Variants in HCRTR2 observed in about 807,000 individuals in gnomAD.
The protein encoded by HCRTR2 is orexin receptor type 2.
HCRTR2 carries 22 observed loss-of-function variants against 49.0 expected under a neutral mutation model. The observed-to-expected ratio is 0.45, with a 90% CI of 0.32 to 0.64. HCRTR2 has a LOEUF of 0.64. Among genes scored for constraint, HCRTR2 ranks in the 30% least tolerant of loss-of-function variants. HCRTR2 has a pLI of 0.04. For missense variants in HCRTR2, 491 were observed against 559.4 expected, an observed-to-expected ratio of 0.88 and a Z score of 1.23; for synonymous variants, 236 against 205.3, an observed-to-expected ratio of 1.15 and a Z score of -1.28.
At chr6:55,112,671 GT>G (rs772756661) in intron 1 of HCRTR2, among the ~76,000 whole-genome samples, 26 of 151,688 alleles carry the variant, frequency 1.7e-4, no homozygotes, top group African/African-American at 2.4e-4. Context: ...AACATCCCAT[GT>G]TCATGGATAT....
intron 1 of HCRTR2, among the ~76,000 whole-genome samples, chr6:55,164,348 A>T (rs1764846959): frequency 6.6e-6 from 1 of 152,218 alleles, no homozygotes; most frequent in South Asian, 2.1e-4. Context: ...GGCACTATTA[A>T]CAATAGCAAA....
In HCRTR2 at chr6:55,232,370, C is replaced by A. The variant is rs142939669; in HGVS notation, c.224-16269C>A. 4.3e-3 allele frequency among the ~76,000 whole-genome samples: 653 copies of A among 152,220 alleles called. 4 individuals carry two copies. Among genetic ancestry groups the A allele is most frequent in the African/African-American group, 0.015 (631 of 41,542 alleles). ...TTTGAAACAGCTGCAGCTGTTTATG[C>A]CATTGCTCTTGTTGTCCAATAGAGC... is the stretch of plus-strand genomic sequence containing the variant. On this transcript the variant is annotated intron_variant, in intron 1 of 6. Coordinates refer to ENST00000370862, the MANE Select transcript of HCRTR2 (RefSeq NM_001384272.1).
chr6:55,152,857 G>A (rs1764681313), intron 1 of HCRTR2, among the ~76,000 whole-genome samples: 1 of 151,898 alleles, frequency 6.6e-6, no homozygotes. Context: ...ACATTACATA[G>A]GTTGACTTTT....
chr6:55,187,826 G>A (rs1765249177), intron 1 of HCRTR2, among the ~76,000 whole-genome samples: 6 of 151,886 alleles, frequency 4.0e-5, no homozygotes. Flanking sequence ...TCCCAGACTG[G>A]AGTGCAGTGG....
chr6:55,192,236 G>A (rs1015702679), intron 1 of HCRTR2, among the ~76,000 whole-genome samples: 9 of 151,978 alleles, frequency 5.9e-5, no homozygotes, highest in Admixed American at 3.3e-4. Context: ...AAAAAAATTA[G>A]GATCTGCCTT....
chr6:55,175,375 G>A (rs1765021257), intron 1 of HCRTR2, among the ~76,000 whole-genome samples: 1 of 152,124 alleles, frequency 6.6e-6, no homozygotes, highest in Non-Finnish European at 1.5e-5. Flanking sequence ...AGGCAAAGCA[G>A]GGAAGTGCAC....
At chr6:55,262,751 T>G (rs1321557959) in intron 3 of HCRTR2, among the ~76,000 whole-genome samples, 4 of 98,404 alleles carry the variant, frequency 4.1e-5, no homozygotes, top group Non-Finnish European at 7.7e-5. Context: ...TATATATATA[T>G]GTATTAGGTA....
At chr6:55,140,792 A>G (rs954040582) in intron 1 of HCRTR2, among the ~76,000 whole-genome samples, 3 of 152,136 alleles carry the variant, frequency 2.0e-5, no homozygotes, top group Non-Finnish European at 2.9e-5. Context: ...TTTTCTACTG[A>G]TTCATAGTTG....
At chr6:55,261,357 A>G (rs1766752195) in intron 3 of HCRTR2, among the ~76,000 whole-genome samples, 1 of 152,186 alleles carries the variant, frequency 6.6e-6, no homozygotes, top group Non-Finnish European at 1.5e-5. Flanking sequence ...ATCACTAAGA[A>G]TCAGGGAAAT....
At chr6:55,133,384 C>A (rs79999126) in intron 1 of HCRTR2, among the ~76,000 whole-genome samples, 9,610 of 136,496 alleles carry the variant, frequency 0.07, 576 homozygotes, top group African/African-American at 0.18. Flanking sequence ...TACACACACA[C>A]AAAAAAACAC....
intron 1 of HCRTR2, among the ~76,000 whole-genome samples, chr6:55,125,901 C>A (rs575967151): frequency 6.6e-6 from 1 of 151,924 alleles, no homozygotes; most frequent in Admixed American, 6.6e-5. Flanking sequence ...TCCACTTGAT[C>A]GATTCAGCGA....
chr6:55,256,531 A>G (rs571991210), intron 3 of HCRTR2, among the ~76,000 whole-genome samples: 46 of 152,174 alleles, frequency 3.0e-4, no homozygotes, highest in Non-Finnish European at 5.4e-4. Context: ...TGCAAGACCT[A>G]TAATAACTAA....
chr6:55,162,272 C>T (rs533704762), intron 1 of HCRTR2, among the ~76,000 whole-genome samples: 18 of 152,032 alleles, frequency 1.2e-4, no homozygotes, highest in Non-Finnish European at 8.8e-5. Flanking sequence ...AAAAGGCCTT[C>T]AACAAAATTT....
At chr6:55,119,819 G>T (rs1291051266) in intron 1 of HCRTR2, among the ~76,000 whole-genome samples, 1 of 151,828 alleles carries the variant, frequency 6.6e-6, no homozygotes, top group African/African-American at 2.4e-5. Flanking sequence ...CATTGCTTTT[G>T]GTGTTGTAGA....
At chr6:55,147,665 C>A (rs1013148555) in intron 1 of HCRTR2, among the ~76,000 whole-genome samples, 1 of 152,162 alleles carries the variant, frequency 6.6e-6, no homozygotes, top group Admixed American at 6.5e-5. Context: ...TTTTGATGAT[C>A]TGTCGGGTGG....
At chr6:55,272,128 A>C (rs564642592) in intron 4 of HCRTR2, among the ~76,000 whole-genome samples, 3 of 152,258 alleles carry the variant, frequency 2.0e-5, no homozygotes, top group Admixed American at 2.0e-4. Flanking sequence ...TCAATGAGTA[A>C]ATGGAATAAC....
chr6:55,144,099 C>CTTTTTTTTTTTTTT (rs530138605), intron 1 of HCRTR2, among the ~76,000 whole-genome samples: 3 of 85,360 alleles, frequency 3.5e-5, no homozygotes, highest in African/African-American at 6.1e-5. Context: ...CCCGTCCTGC[C>CTTTTTTTTTTTTTT]TTTTTTTTTT....
intron 1 of HCRTR2, among the ~76,000 whole-genome samples, chr6:55,239,559 T>A (rs142969567): frequency 6.6e-6 from 1 of 152,316 alleles, no homozygotes; most frequent in African/African-American, 2.4e-5. Flanking sequence ...TTAATTGTGA[T>A]ATATTAATTA....
chr6:55,126,663 G>C (rs1034772137), intron 1 of HCRTR2, among the ~76,000 whole-genome samples: 2 of 152,130 alleles, frequency 1.3e-5, no homozygotes, highest in Non-Finnish European at 2.9e-5. Flanking sequence ...GTCAGGCAGG[G>C]ATATTTAAGT....
Sources: gnomAD v4.1 joint callset for allele counts (sites outside exome capture counted in the v4.1 genomes callset) on GRCh38, gnomAD v4.1.1 for gene constraint, MANE v1.5 for transcripts, NCBI Gene and HGNC (gene_info 2026-07-23, HGNC 2026-07-21) for gene names.